HSD17B4: variants seen among roughly 807,000 people sequenced by gnomAD.
The protein encoded by HSD17B4 is hydroxysteroid 17-beta dehydrogenase 4, also known as peroxisomal multifunctional enzyme type 2.
In HSD17B4, 70 loss-of-function variants were observed where a neutral mutation model predicts 101.0. The observed-to-expected ratio is 0.69, with a 90% CI of 0.57 to 0.85. The LOEUF is 0.85. Ranked by LOEUF, HSD17B4 falls within the 40% of genes least tolerant of loss-of-function variation. The pLI is 0.00. For missense variants in HSD17B4, 984 were observed against 892.4 expected (o/e 1.10, Z -1.31); for synonymous variants, 347 against 297.1 (o/e 1.17, Z -1.73).
At chr5:119,491,576 A>G (rs1019957336) in intron 9 of HSD17B4, among the ~76,000 whole-genome samples, 2 of 151,376 alleles carry the variant, frequency 1.3e-5, no homozygotes, top group Admixed American at 6.6e-5. Context: ...TTATCTCTGC[A>G]TAAAGATGTT....
chr5:119,513,189 G>A (rs1257646831), intron 16 of HSD17B4, among the ~76,000 whole-genome samples: 1 of 152,170 alleles, frequency 6.6e-6, no homozygotes, highest in Admixed American at 6.5e-5. Flanking sequence ...CCTAAGGCAA[G>A]TTGTGCAATG....
intron 8 of HSD17B4, chr5:119,487,257 T>TG (rs1413591247): frequency 1.3e-5 from 2 of 151,350 alleles, no homozygotes; most frequent in Non-Finnish European, 2.9e-5. Flanking sequence ...TTTTTTTTTT[T>TG]TCTGGTTGGA....
At chr5:119,507,118 A>C (rs1400658190) in intron 15 of HSD17B4, among the ~76,000 whole-genome samples, 2 of 152,252 alleles carry the variant, frequency 1.3e-5, no homozygotes, top group African/African-American at 4.8e-5. Flanking sequence ...GATTTAAGAC[A>C]ACATAACCAA....
At chr5:119,452,813 C>G in intron 1 of HSD17B4, 180 bp downstream of exon 1, 1 of 1,537,494 alleles carries the variant, frequency 6.5e-7, no homozygotes. Flanking sequence ...CACCTGGTCT[C>G]TCAAGCAGGT....
chr5:119,540,367 A>T (rs1204960949), intron 23 of HSD17B4, among the ~76,000 whole-genome samples: 1 of 152,182 alleles, frequency 6.6e-6, no homozygotes, highest in Non-Finnish European at 1.5e-5. Context: ...AACTGGCAAT[A>T]TGGACGTATG....
At chr5:119,456,431 T>C in intron 2 of HSD17B4, 63 bp downstream of exon 2, 1 of 983,442 alleles carries the variant, frequency 1.0e-6, no homozygotes, top group South Asian at 1.3e-5. Flanking sequence ...CTTTACAAGC[T>C]ATCTTTGTCT....
intron 23 of HSD17B4, among the ~76,000 whole-genome samples, chr5:119,538,588 A>G (rs781086737): frequency 6.6e-6 from 1 of 152,134 alleles, no homozygotes; most frequent in Non-Finnish European, 1.5e-5. Flanking sequence ...AGCTGTTACC[A>G]TGTCGTGTAT....
Position 119,499,482 on chromosome 5 carries a change from A to G in HSD17B4, c.1138A>G (p.Ile380Val), listed in dbSNP as rs137946207. Residue 380 changes from isoleucine (I) to valine (V), a missense_variant, in exon 13 of 24, where the codon ATC (isoleucine) becomes GTC (valine). Ile to Val is a conservative substitution (Grantham distance 29). Coordinates refer to ENST00000510025, the MANE Select transcript of HSD17B4 (RefSeq NM_000414.4). ...DFSCLPTFGVIIGQKSMMGGG... is the reference protein window; with the variant it reads ...DFSCLPTFGVVIGQKSMMGGG... ...CTCCTGTTTGCCCACCTTCGGAGTT[A>G]TCATAGGTCAGAAATCTATGATGGG... 5.6e-5 allele frequency: 90 copies of G among 1,613,946 alleles called. No homozygotes were observed. In the African/African-American group the frequency reaches 9.9e-4, roughly 18 times the overall value.
chr5:119,452,748 A>C (rs950112521), intron 1 of HSD17B4, 115 bp downstream of exon 1: 2 of 1,591,966 alleles, frequency 1.3e-6, no homozygotes, highest in Non-Finnish European at 1.7e-6. Context: ...GGTGGTGGGG[A>C]GGGGAATGGT....
intron 18 of HSD17B4, chr5:119,525,664 TAAACA>T: frequency 1.8e-6 from 1 of 542,572 alleles, no homozygotes; most frequent in Non-Finnish European, 3.3e-6. Flanking sequence ...CAACCAAAAC[TAAACA>T]AAACAATTGT....
intron 16 of HSD17B4, among the ~76,000 whole-genome samples, chr5:119,511,548 C>A (rs1025360105): frequency 6.6e-6 from 1 of 152,014 alleles, no homozygotes; most frequent in Non-Finnish European, 1.5e-5. Flanking sequence ...ATTAGTGGAA[C>A]CTTACAACTG....
At chr5:119,519,876 T>C (rs1561481125) in intron 17 of HSD17B4, among the ~76,000 whole-genome samples, 1 of 152,314 alleles carries the variant, frequency 6.6e-6, no homozygotes, top group East Asian at 1.9e-4. Context: ...ACACCAATTG[T>C]CAATTTTTAA....
At position 119,474,406 on chromosome 5, in the gene HSD17B4, G is replaced by C; in HGVS notation, c.226G>C (p.Val76Leu). ...CAAATTTTCCTTTCCCTCAGATTCA[G>C]TGGAAGAAGGAGAGAAGGTTGTGAA... is the stretch of plus-strand genomic sequence containing the variant. ...GGKAVANYDSVEEGEKVVKTA... is the reference protein window; with the variant it reads ...GGKAVANYDSLEEGEKVVKTA... The change falls in exon 4 of 24, where the codon GTG becomes CTG. Residue 76 changes from valine (V) to leucine (L), a missense_variant. Transcript: ENST00000510025. 4 of 1,607,448 alleles carry C rather than the reference G, an allele frequency of 2.5e-6. No homozygotes were observed. The highest frequency in any genetic ancestry group is 3.4e-6 in the Non-Finnish European group (4 of 1,174,106).
At chr5:119,490,779 G>T (rs1429939150) in intron 9 of HSD17B4, among the ~76,000 whole-genome samples, 2 of 152,176 alleles carry the variant, frequency 1.3e-5, no homozygotes, top group African/African-American at 4.8e-5. Flanking sequence ...TGTTGGTCAG[G>T]CTGGTCTGGA....
chr5:119,501,826 T>C (rs1322234165), intron 13 of HSD17B4, among the ~76,000 whole-genome samples: 2 of 152,154 alleles, frequency 1.3e-5, no homozygotes, highest in Non-Finnish European at 2.9e-5. Flanking sequence ...AACACAAATA[T>C]ATCTTCTCTG....
chr5:119,504,817 A>G (rs1371152412), intron 14 of HSD17B4, among the ~76,000 whole-genome samples: 1 of 152,044 alleles, frequency 6.6e-6, no homozygotes, highest in African/African-American at 2.4e-5. Context: ...GCCATAAATT[A>G]TTTCCTAAGG....
intron 16 of HSD17B4, among the ~76,000 whole-genome samples, chr5:119,512,184 A>G (rs988084361): frequency 2.0e-5 from 3 of 152,194 alleles, no homozygotes; most frequent in Non-Finnish European, 4.4e-5. Context: ...ACCACAGTGA[A>G]GAAAAGGAAA....
intron 2 of HSD17B4, among the ~76,000 whole-genome samples, chr5:119,461,792 G>A (rs1183449820): frequency 6.6e-6 from 1 of 151,958 alleles, no homozygotes; most frequent in Non-Finnish European, 1.5e-5. Flanking sequence ...GGCTGAGGCA[G>A]GAGGATGGTT....
At chr5:119,517,445 C>A (rs1423845890) in intron 17 of HSD17B4, among the ~76,000 whole-genome samples, 2 of 152,224 alleles carry the variant, frequency 1.3e-5, no homozygotes, top group Non-Finnish European at 2.9e-5. Flanking sequence ...ACCCCCTGCT[C>A]CACGGCGCCC....
Sources: allele counts gnomAD v4.1 joint callset (sites outside exome capture counted in the v4.1 genomes callset), GRCh38; gene constraint gnomAD v4.1.1; transcripts MANE v1.5; gene names NCBI Gene and HGNC (gene_info 2026-07-23, HGNC 2026-07-21).